Variants in NRXN3 observed in about 807,000 individuals in gnomAD.
NRXN3 encodes neurexin 3.
NRXN3 carries 32 observed loss-of-function variants against 137.6 expected under a neutral mutation model. That is an observed-to-expected ratio of 0.23 (90% CI 0.18 to 0.31). The LOEUF (loss-of-function observed/expected upper bound fraction) is 0.31. NRXN3 is among the 10% of genes least tolerant of loss of function. The pLI is 1.00. For missense variants in NRXN3, 1,574 were observed against 2,062.5 expected, an observed-to-expected ratio of 0.76 and a Z score of 4.59; for synonymous variants, 798 against 784.5, an observed-to-expected ratio of 1.02 and a Z score of -0.29.
At chr14:79,340,512 C>G (rs1044441688) in intron 15 of NRXN3, among the ~76,000 whole-genome samples, 1 of 152,164 alleles carries the variant, frequency 6.6e-6, no homozygotes, top group African/African-American at 2.4e-5. Flanking sequence ...ATTGCCCAGG[C>G]TGGAGTGCAA....
intron 15 of NRXN3, among the ~76,000 whole-genome samples, chr14:79,209,835 T>A (rs1435232301): frequency 6.6e-6 from 1 of 152,194 alleles, no homozygotes; most frequent in East Asian, 1.9e-4. Flanking sequence ...GTCCTCTGTT[T>A]ACTATTTATG....
chr14:79,443,472 C>T (rs1160233527), intron 15 of NRXN3, among the ~76,000 whole-genome samples: 2 of 152,024 alleles, frequency 1.3e-5, no homozygotes, highest in Non-Finnish European at 2.9e-5. Context: ...AAAAAAGCTT[C>T]ATAAAGAAAG....
chr14:79,094,057 G>A (rs1366634609), intron 15 of NRXN3, among the ~76,000 whole-genome samples: 1 of 152,082 alleles, frequency 6.6e-6, no homozygotes, highest in Non-Finnish European at 1.5e-5. Flanking sequence ...TCTACTCAGA[G>A]CTGAGATAAA....
At chr14:78,206,078 A>G (rs1272640143) in intron 1 of NRXN3, among the ~76,000 whole-genome samples, 2 of 152,222 alleles carry the variant, frequency 1.3e-5, no homozygotes, top group African/African-American at 4.8e-5. Context: ...TGGGAGGTTG[A>G]TGAATCCAGG....
At chr14:79,814,781 G>T (rs2099246634) in intron 20 of NRXN3, among the ~76,000 whole-genome samples, 1 of 152,136 alleles carries the variant, frequency 6.6e-6, no homozygotes, top group African/African-American at 2.4e-5. Context: ...GTAGAACAGT[G>T]CCTGTTCCTG....
intron 19 of NRXN3, among the ~76,000 whole-genome samples, chr14:79,769,554 T>G (rs1485564354): frequency 2.0e-5 from 3 of 151,772 alleles, no homozygotes; most frequent in East Asian, 3.9e-4. Context: ...AATAAAATAC[T>G]TTACAGACAA....
At chr14:79,227,785 C>CCTTCCTTCCTTT (rs2071277493) in intron 15 of NRXN3, among the ~76,000 whole-genome samples, 1 of 94,620 alleles carries the variant, frequency 1.1e-5, no homozygotes, top group African/African-American at 3.8e-5. Flanking sequence ...TTCCTTCCTT[C>CCTTCCTTCCTTT]CCTCCTCCCT....
intron 15 of NRXN3, among the ~76,000 whole-genome samples, chr14:79,098,319 A>C (rs1346764098): frequency 6.6e-6 from 1 of 152,164 alleles, no homozygotes; most frequent in South Asian, 2.1e-4. Context: ...TATATGTTTT[A>C]TTGCATATGC....
intron 6 of NRXN3, among the ~76,000 whole-genome samples, chr14:78,672,531 G>T (rs962060905): frequency 2.0e-5 from 3 of 152,300 alleles, no homozygotes; most frequent in African/African-American, 7.2e-5. Context: ...ATGACAAAGA[G>T]AATCAGGTCC....
chr14:79,036,611 T>G (rs1264307241), intron 15 of NRXN3, among the ~76,000 whole-genome samples: 5 of 146,022 alleles, frequency 3.4e-5, no homozygotes, highest in African/African-American at 5.1e-5. Flanking sequence ...TTTTTTTTTT[T>G]TTTTTTTTTT....
chr14:79,227,860 C>G (rs2071354920), intron 15 of NRXN3, among the ~76,000 whole-genome samples: 1 of 140,674 alleles, frequency 7.1e-6, no homozygotes, highest in Non-Finnish European at 1.5e-5. Flanking sequence ...CTCCCTTCCT[C>G]TCTTTCTTCT....
At chr14:78,457,672 C>G (rs925550135) in intron 4 of NRXN3, among the ~76,000 whole-genome samples, 1 of 152,146 alleles carries the variant, frequency 6.6e-6, no homozygotes, top group South Asian at 2.1e-4. Context: ...ACAAGTTAAT[C>G]TGCCACAGGT....
chr14:79,681,897 C>T (rs1421190929), intron 17 of NRXN3, among the ~76,000 whole-genome samples: 1 of 152,100 alleles, frequency 6.6e-6, no homozygotes, highest in Non-Finnish European at 1.5e-5. Flanking sequence ...ATTGTCCTTT[C>T]TTTTCTTTAG....
intron 16 of NRXN3, among the ~76,000 whole-genome samples, chr14:79,485,656 C>T (rs1372126355): frequency 6.6e-6 from 1 of 151,630 alleles, no homozygotes; most frequent in Non-Finnish European, 1.5e-5. Context: ...CTAGGGAGGT[C>T]AGAATAGCAC....
chr14:78,186,854 G>T (rs964189418), intron 1 of NRXN3, among the ~76,000 whole-genome samples: 6 of 152,158 alleles, frequency 3.9e-5, no homozygotes, highest in Non-Finnish European at 7.4e-5. Flanking sequence ...TTTTGGGAGA[G>T]CCCTAGACTT....
intron 10 of NRXN3, among the ~76,000 whole-genome samples, chr14:78,839,819 C>A (rs1475545865): frequency 6.6e-6 from 1 of 152,196 alleles, no homozygotes; most frequent in Non-Finnish European, 1.5e-5. Context: ...CATCTGCATG[C>A]ATAAACACTA....
intron 17 of NRXN3, among the ~76,000 whole-genome samples, chr14:79,678,500 C>A (rs1188690555): frequency 6.6e-6 from 1 of 152,092 alleles, no homozygotes; most frequent in Non-Finnish European, 1.5e-5. Context: ...TAGTATATAT[C>A]CTCTATAATT....
At chr14:79,078,226 T>C (rs2046307692) in intron 15 of NRXN3, among the ~76,000 whole-genome samples, 1 of 152,302 alleles carries the variant, frequency 6.6e-6, no homozygotes, top group Non-Finnish European at 1.5e-5. Context: ...TAAAGGTCTT[T>C]TTGTCAAACT....
rs74576846 is a variant in NRXN3, at chr14:79,348,088, G to A, written c.3263-119133G>A. 7.9e-3 allele frequency among the ~76,000 whole-genome samples: 1,199 copies of A among 152,176 alleles called. 24 individuals carry two copies. The South Asian group carries it at 0.081, about 10-fold the overall frequency. On this transcript the variant is annotated intron_variant, in intron 15 of 20. Coordinates refer to ENST00000335750, the MANE Select transcript of NRXN3 (RefSeq NM_001330195.2). ...CCTTCAAATGCCAGCATCCTGCCAA[G>A]AGGGTATTTACCGCAGTATTTCCAT...
Sources: gnomAD v4.1 joint callset for allele counts (sites outside exome capture counted in the v4.1 genomes callset) on GRCh38, gnomAD v4.1.1 for gene constraint, MANE v1.5 for transcripts, NCBI Gene and HGNC (gene_info 2026-07-23, HGNC 2026-07-21) for gene names.